Variants in SLC35F1 observed in about 807,000 individuals in gnomAD.
SLC35F1 encodes solute carrier family 35 member F1.
SLC35F1 carries 14 observed loss-of-function variants against 48.7 expected under a neutral mutation model. That is an observed-to-expected ratio of 0.29 (90% CI 0.19 to 0.45). SLC35F1 has a LOEUF of 0.45. SLC35F1 is among the 20% of genes least tolerant of loss of function. The probability of loss-of-function intolerance (pLI) is 1.00; values close to 1 mark genes in which losing one functional copy is unlikely to be tolerated. For missense variants in SLC35F1, 404 were observed against 500.0 expected, an observed-to-expected ratio of 0.81 and a Z score of 1.83; for synonymous variants, 190 against 202.2, an observed-to-expected ratio of 0.94 and a Z score of 0.51.
At chr6:118,253,555 T>C in intron 3 of SLC35F1, among the ~76,000 whole-genome samples, 1 of 151,912 alleles carries the variant, frequency 6.6e-6, no homozygotes, top group East Asian at 1.9e-4. Flanking sequence ...ATGTAGAATG[T>C]GAAAATAAGA....
chr6:117,911,730 G>A (rs2788994), intron 1 of SLC35F1, among the ~76,000 whole-genome samples: 16,137 of 151,990 alleles, frequency 0.11, 2,035 homozygotes, highest in African/African-American at 0.3. Flanking sequence ...GCAGACATGA[G>A]CCACTGTGCC....
chr6:118,146,214 A>G (rs532690805), intron 1 of SLC35F1, among the ~76,000 whole-genome samples: 1 of 152,320 alleles, frequency 6.6e-6, no homozygotes, highest in African/African-American at 2.4e-5. Flanking sequence ...AGCCATAATA[A>G]AAGCAGGATT....
At chr6:117,909,878 T>C (rs72955838) in intron 1 of SLC35F1, among the ~76,000 whole-genome samples, 6,556 of 152,240 alleles carry the variant, frequency 0.043, 205 homozygotes, top group Non-Finnish European at 0.061. Context: ...CTTATACTTA[T>C]GTTGGGTTGA....
chr6:118,104,300 T>C (rs1338644757), intron 1 of SLC35F1, among the ~76,000 whole-genome samples: 1 of 152,200 alleles, frequency 6.6e-6, no homozygotes, highest in South Asian at 2.1e-4. Flanking sequence ...AGAATAAGTC[T>C]GAACAGGGCC....
At position 118,175,088 on chromosome 6, in the gene SLC35F1, A is replaced by G. The variant is rs1774468180; in HGVS notation, c.349+20468A>G. Among the ~76,000 whole-genome samples the G allele has an allele frequency of 2.6e-5, 4 of 152,162 alleles. No individual in the cohort carries two copies. The South Asian group carries it at 6.2e-4, about 24-fold the overall frequency. ...CATCGCATTTGTTATGTACTGGCAC[A>G]GGTCTCTGGCAATGCTAACCTTTAA... On this transcript the variant is annotated intron_variant, in intron 2 of 7. Coordinates refer to ENST00000360388, the MANE Select transcript of SLC35F1 (RefSeq NM_001029858.4).
At chr6:118,215,010 A>G (rs190710813) in intron 2 of SLC35F1, among the ~76,000 whole-genome samples, 1 of 152,270 alleles carries the variant, frequency 6.6e-6, no homozygotes, top group Non-Finnish European at 1.5e-5. Context: ...CCGTGTCCCA[A>G]GACATTTCTC....
At chr6:118,139,285 TG>T (rs1486906265) in intron 1 of SLC35F1, among the ~76,000 whole-genome samples, 1 of 152,074 alleles carries the variant, frequency 6.6e-6, no homozygotes, top group East Asian at 1.9e-4. Flanking sequence ...GCTAATTTTT[TG>T]TATTTTTAGT....
chr6:118,122,990 A>G (rs1773575273), intron 1 of SLC35F1, among the ~76,000 whole-genome samples: 1 of 152,200 alleles, frequency 6.6e-6, no homozygotes, highest in Non-Finnish European at 1.5e-5. Flanking sequence ...TTAGACAGCT[A>G]GCTGGCAGCA....
At chr6:117,940,161 A>G (rs1776210410) in intron 1 of SLC35F1, among the ~76,000 whole-genome samples, 1 of 152,234 alleles carries the variant, frequency 6.6e-6, no homozygotes, top group Non-Finnish European at 1.5e-5. Context: ...ATAAGGGTCA[A>G]TAGCTCTTTC....
At chr6:117,912,706 C>T (rs1020066740) in intron 1 of SLC35F1, among the ~76,000 whole-genome samples, 1 of 152,102 alleles carries the variant, frequency 6.6e-6, no homozygotes, top group Non-Finnish European at 1.5e-5. Flanking sequence ...CTGAAGGGTG[C>T]ATTTGTTTTT....
chr6:118,235,781 A>G, intron 3 of SLC35F1, 145 bp downstream of exon 3: 5 of 695,302 alleles, frequency 7.2e-6, no homozygotes, highest in Non-Finnish European at 1.0e-5. Flanking sequence ...GATTCTGTAT[A>G]CTATAAGTCT....
intron 1 of SLC35F1, among the ~76,000 whole-genome samples, chr6:118,153,339 A>T (rs1020492386): frequency 1.3e-5 from 2 of 152,250 alleles, no homozygotes; most frequent in Non-Finnish European, 2.9e-5. Flanking sequence ...TAAATTTTTG[A>T]TCTGACAATT....
intron 1 of SLC35F1, among the ~76,000 whole-genome samples, chr6:117,995,413 A>G (rs1217854218): frequency 2.0e-5 from 3 of 152,184 alleles, no homozygotes; most frequent in Admixed American, 6.5e-5. Flanking sequence ...CATATGGCAA[A>G]TGCTAAATAA....
intron 1 of SLC35F1, among the ~76,000 whole-genome samples, chr6:117,956,524 G>C (rs1490533117): frequency 6.6e-6 from 1 of 152,220 alleles, no homozygotes; most frequent in Non-Finnish European, 1.5e-5. Flanking sequence ...CGCGGGGACA[G>C]TGCCTGGAAT....
intron 1 of SLC35F1, among the ~76,000 whole-genome samples, chr6:118,114,235 A>T (rs1215166320): frequency 1.3e-5 from 2 of 151,826 alleles, no homozygotes; most frequent in Non-Finnish European, 2.9e-5. Flanking sequence ...TAACCACTAT[A>T]CCTTACCTTT....
intron 1 of SLC35F1, among the ~76,000 whole-genome samples, chr6:117,937,834 G>C (rs1040660133): frequency 6.6e-6 from 1 of 152,114 alleles, no homozygotes; most frequent in African/African-American, 2.4e-5. Context: ...GCGAATTTCA[G>C]GCCAAACATC....
intron 2 of SLC35F1, among the ~76,000 whole-genome samples, chr6:118,165,455 T>C (rs1353060059): frequency 3.3e-5 from 5 of 152,240 alleles, no homozygotes; most frequent in African/African-American, 7.2e-5. Context: ...ATGTCTGGAG[T>C]AAAACACTCC....
chr6:118,290,885 A>G (rs957136277), intron 7 of SLC35F1, among the ~76,000 whole-genome samples: 1 of 151,124 alleles, frequency 6.6e-6, no homozygotes, highest in Non-Finnish European at 1.5e-5. Flanking sequence ...ACCTCCACCT[A>G]CCAGGTTCAA....
At chr6:118,070,711 A>G (rs1381719941) in intron 1 of SLC35F1, among the ~76,000 whole-genome samples, 2 of 150,682 alleles carry the variant, frequency 1.3e-5, no homozygotes, top group Admixed American at 1.3e-4. Context: ...AATTTTAGAC[A>G]TCATCTACAG....
Sources: allele counts gnomAD v4.1 joint callset (sites outside exome capture counted in the v4.1 genomes callset), GRCh38; gene constraint gnomAD v4.1.1; transcripts MANE v1.5; gene names NCBI Gene and HGNC (gene_info 2026-07-23, HGNC 2026-07-21).